Variants in HSF4 observed in about 807,000 individuals in gnomAD.
HSF4 encodes heat shock transcription factor 4, also known as heat shock factor protein 4.
In HSF4, 41 loss-of-function variants were observed where a neutral mutation model predicts 52.0. The ratio of observed to expected loss-of-function variants is 0.79; its 90% CI spans 0.61 to 1.02. The LOEUF (loss-of-function observed/expected upper bound fraction) is 1.02, where lower values mean the gene tolerates loss of function less well. Ranked by LOEUF, HSF4 falls within the 50% of genes least tolerant of loss-of-function variation. The pLI is 0.00. For missense variants in HSF4, 610 were observed against 651.1 expected, an observed-to-expected ratio of 0.94 and a Z score of 0.69; for synonymous variants, 285 against 273.0, an observed-to-expected ratio of 1.04 and a Z score of -0.43.
upstream of HSF4, chr16:67,163,927 GC>G (rs1202512039): frequency 6.1e-6 from 9 of 1,478,298 alleles, no homozygotes; most frequent in Non-Finnish European, 7.3e-6. Flanking sequence ...TGGGATTGTT[GC>G]CCCCCGGGTC....
chr16:67,164,661 G>GCCCCGCCCCGCGGGCTTGCACGTGGC, upstream of HSF4: 2 of 828,600 alleles, frequency 2.4e-6, no homozygotes, highest in Non-Finnish European at 1.8e-6. Context: ...CGCTGTCCGA[G>GCCCCGCCCCGCGGGCTTGCACGTGGC]CCCCGCCCCG....
chr16:67,169,755 C>T lies in HSF4; in HGVS notation c.1449C>T (p.Tyr483=). The change falls in exon 13 of 13, where the codon TAC becomes TAT. Residue 483 remains tyrosine, a synonymous_variant. Transcript: ENST00000521374. This position sits in a 1 kb window ranked among gnomAD's most constrained non-coding sequence, Gnocchi z 4.3. ...CTCCTGAGAGCCGGACTGCCTCCTACTTGGGCCCGGAAGCCAGTCCCTCCC... is the reference window on the plus strand; with the variant it reads ...CTCCTGAGAGCCGGACTGCCTCCTATTTGGGCCCGGAAGCCAGTCCCTCCC... ...YSTPESRTAS[Y]LGPEASPSP 1.2e-6 allele frequency: 2 copies of T among 1,613,084 alleles called. No homozygotes were observed. Among genetic ancestry groups the T allele is most frequent in the Non-Finnish European group, 8.5e-7 (1 of 1,180,000 alleles).
Position 67,169,086 on chromosome 16 carries a change from C to G in HSF4, c.1239C>G (p.Asp413Glu), listed in dbSNP as rs765147322. ...GAGAATGGACCCTGATGGACTTGGA[C>G]ATGGAGCTGTCCTTGGTAAGAAGTG... ...QGREWTLMDL[D>E]MELSLMQPLV... Residue 413 changes from aspartate (D) to glutamate (E), a missense_variant, in exon 11 of 13, where the codon GAC becomes GAG. By Grantham distance (45) the Asp-to-Glu change is conservative. Coordinates refer to ENST00000521374, the MANE Select transcript of HSF4 (RefSeq NM_001374675.1). The surrounding 1 kb of genome is among the most constrained non-coding windows in gnomAD (Gnocchi z 4.3). 2 of 1,613,226 alleles carry G rather than the reference C, an allele frequency of 1.2e-6. No homozygotes were observed. The highest frequency in any genetic ancestry group is 2.2e-5 in the South Asian group (2 of 91,078).
chr16:67,164,958 C>CAAA, intron 1 of HSF4, 24 bp downstream of exon 1: 1 of 1,582,538 alleles, frequency 6.3e-7, no homozygotes, highest in Middle Eastern at 1.7e-4. Context: ...CCCCTCGATT[C>CAAA]CCCCTGTGGT....
At chr16:67,164,079 G>A (rs937624219), upstream of HSF4, 69 of 696,474 alleles carry the variant, frequency 9.9e-5, no homozygotes, top group Non-Finnish European at 1.7e-4. Context: ...CCCCTCTGCG[G>A]ACTCTGCAGC....
Position 67,165,898 on chromosome 16 carries a change from C to T in HSF4, c.361-48C>T, listed in dbSNP as rs1410355254. On this transcript the variant is annotated intron_variant, in intron 3 of 12. Coordinates refer to ENST00000521374, the MANE Select transcript of HSF4 (RefSeq NM_001374675.1). This position sits in a 1 kb window ranked among gnomAD's most constrained non-coding sequence, Gnocchi z 6.9. ...AAGAGGAGGAGGGGTGCTGGGACTG[C>T]CTGCCTTGCTCCTGCGACCCAGTCC... 2.5e-6 allele frequency: 4 copies of T among 1,594,372 alleles called. No homozygotes were observed. Among genetic ancestry groups the T allele is most frequent in the African/African-American group, 1.3e-5 (1 of 74,822 alleles).
chr16:67,166,400 T>A lies in HSF4; in HGVS notation c.561+5T>A, dbSNP rs772816388. The A allele has an allele frequency of 6.2e-7, 1 of 1,608,256 alleles. No individual in the cohort carries two copies. The highest frequency in any genetic ancestry group is 2.2e-5 in the East Asian group (1 of 44,556). On this transcript the variant is annotated splice_donor_5th_base_variant and intron_variant, in intron 5 of 12. Transcript: ENST00000521374. ...CAGCACCGGGTCATTGGCAAGGTGTTCCTCTCCCCAAGCCTCGCTTCTCCC... is the reference window on the plus strand; with the variant it reads ...CAGCACCGGGTCATTGGCAAGGTGTACCTCTCCCCAAGCCTCGCTTCTCCC...
chr16:67,167,230 T>G lies in HSF4; in HGVS notation c.729+8T>G. On this transcript the variant is annotated splice_region_variant and intron_variant, in intron 7 of 12. Coordinates refer to ENST00000521374, the MANE Select transcript of HSF4 (RefSeq NM_001374675.1). The stretch of plus-strand genomic sequence containing the variant: ...CCCTACTTCATCCAGTCGGTAGGTT[T>G]GTCTTCTTCCCCCTTCCCAAGGGCA... 6.2e-7 allele frequency: 1 copy of G among 1,614,152 alleles called. No homozygotes were observed. The highest frequency in any genetic ancestry group is 8.5e-7 in the Non-Finnish European group (1 of 1,180,020).
chr16:67,165,958 C>T lies in HSF4; in HGVS notation c.373C>T (p.Arg125Cys). The change falls in exon 4 of 13, where the codon CGC (arginine) becomes TGC (cysteine). Residue 125 changes from arginine to cysteine, a missense_variant. By Grantham distance (180) the Arg-to-Cys change is radical. Coordinates refer to ENST00000521374, the MANE Select transcript of HSF4 (RefSeq NM_001374675.1). This position sits in a 1 kb window ranked among gnomAD's most constrained non-coding sequence, Gnocchi z 6.9. ...ERVRRKVPAL[R>C]GDDGRWRPED... ...CTCCCGCCTGCAGGTGCCCGCGCTG[C>T]GCGGCGACGACGGCCGCTGGCGCCC... The T allele has an allele frequency of 6.4e-7, 1 of 1,569,030 alleles. No homozygotes were observed. Among genetic ancestry groups the T allele is most frequent in the Non-Finnish European group, 8.6e-7 (1 of 1,166,228 alleles).
At chr16:67,166,200 C>T in intron 4 of HSF4, 120 bp from the exon 5 acceptor site, 2 of 1,366,714 alleles carry the variant, frequency 1.5e-6, no homozygotes. Context: ...GACTTATGGG[C>T]GATCTCTGGG....
Position 67,165,672 on chromosome 16 carries a change from C to G in HSF4, c.232+42C>G, listed in dbSNP as rs1198877101. The G allele has an allele frequency of 4.3e-6, 7 of 1,612,166 alleles. No individual in the cohort carries two copies. Among genetic ancestry groups the G allele is most frequent in the Non-Finnish European group, 5.1e-6 (6 of 1,179,772 alleles). Reference sequence around the variant, plus strand: ...GGGCGGGGAGCGGGGATGGGGGACTCGGTGCCGGGGATGGGGCGACCCACG... The same window carrying G: ...GGGCGGGGAGCGGGGATGGGGGACTGGGTGCCGGGGATGGGGCGACCCACG... On this transcript the variant is annotated intron_variant, in intron 2 of 12. Coordinates refer to ENST00000521374, the MANE Select transcript of HSF4 (RefSeq NM_001374675.1). This position sits in a 1 kb window ranked among gnomAD's most constrained non-coding sequence, Gnocchi z 6.9.
chr16:67,166,095 G>A (rs1413606406), intron 4 of HSF4, 25 bp downstream of exon 4: 3 of 1,500,114 alleles, frequency 2.0e-6, no homozygotes, highest in Non-Finnish European at 2.7e-6. Flanking sequence ...GGGGAAAGAG[G>A]GGACAGGGGT....
intron 9 of HSF4, 116 bp from the exon 10 acceptor site, chr16:67,168,715 G>A (rs1318157610): frequency 1.2e-6 from 1 of 801,314 alleles, no homozygotes; most frequent in Non-Finnish European, 2.1e-6. Context: ...AGAGGATGGG[G>A]ATCCTCTCCT....
In HSF4 at chr16:67,165,341, CAGGCT is replaced by C; in HGVS notation, c.124-176_124-172del. ...GGGTAGGGACTCACTGTGGTCGCTC[CAGGCT>C]AGGCCTCGGAGCCCGTTCTGGCCTG... is the stretch of plus-strand genomic sequence containing the variant. On this transcript the variant is annotated intron_variant, in intron 1 of 12. Transcript: ENST00000521374. The surrounding 1 kb of genome is among the most constrained non-coding windows in gnomAD (Gnocchi z 6.9). 1 of 641,146 alleles carries C rather than the reference CAGGCT, an allele frequency of 1.6e-6. No individual in the cohort carries two copies. Among genetic ancestry groups the C allele is most frequent in the South Asian group, 1.8e-5 (1 of 55,636 alleles). The allele number at this position is 641,146 out of a possible 1,614,324, so 39.7% of individuals were successfully genotyped here.
At position 67,165,436 on chromosome 16, in the gene HSF4, C is replaced by A; in HGVS notation, c.124-86C>A. On this transcript the variant is annotated intron_variant, in intron 1 of 12. Coordinates refer to ENST00000521374, the MANE Select transcript of HSF4 (RefSeq NM_001374675.1). This position sits in a 1 kb window ranked among gnomAD's most constrained non-coding sequence, Gnocchi z 6.9. ...AAGAGTGAGCATGAGTGTGTGCGCG[C>A]GCTGGAGCGCAGGACTGGCCGTGAG... 2.4e-6 allele frequency: 3 copies of A among 1,225,698 alleles called. No individual in the cohort carries two copies. The highest frequency in any genetic ancestry group is 3.6e-6 in the Non-Finnish European group (3 of 830,330). 75.9% of individuals were successfully genotyped at this position (1,225,698 alleles called of 1,614,324 possible).
Position 67,167,227 on chromosome 16 carries a change from G to A in HSF4, c.729+5G>A. On this transcript the variant is annotated splice_donor_5th_base_variant and intron_variant, in intron 7 of 12. Transcript: ENST00000521374. Reference sequence around the variant, plus strand: ...GACCCCTACTTCATCCAGTCGGTAGGTTTGTCTTCTTCCCCCTTCCCAAGG... The same window carrying A: ...GACCCCTACTTCATCCAGTCGGTAGATTTGTCTTCTTCCCCCTTCCCAAGG... 1.9e-6 allele frequency: 3 copies of A among 1,614,126 alleles called. No individual in the cohort carries two copies. Among genetic ancestry groups the A allele is most frequent in the Non-Finnish European group, 2.5e-6 (3 of 1,180,014 alleles).
intron 4 of HSF4, 71 bp downstream of exon 4, chr16:67,166,141 G>A: frequency 6.8e-7 from 1 of 1,464,168 alleles, no homozygotes; most frequent in Admixed American, 2.0e-5. Context: ...TGGCCGGCCA[G>A]CAGTTCTGGG....
At position 67,165,966 on chromosome 16, in the gene HSF4, C is replaced by A; in HGVS notation, c.381C>A (p.Asp127Glu). 6.4e-7 allele frequency: 1 copy of A among 1,563,378 alleles called. No individual in the cohort carries two copies. The highest frequency in any genetic ancestry group is 1.1e-5 in the South Asian group (1 of 87,246). ...VRRKVPALRGDDGRWRPEDLG... is the reference protein window; with the variant it reads ...VRRKVPALRGEDGRWRPEDLG... The stretch of plus-strand genomic sequence containing the variant: ...TGCAGGTGCCCGCGCTGCGCGGCGA[C>A]GACGGCCGCTGGCGCCCGGAGGACC... Residue 127 changes from aspartate (D) to glutamate (E), a missense_variant, in exon 4 of 13, where the codon GAC becomes GAA. By Grantham distance (45) the Asp-to-Glu change is conservative. Transcript: ENST00000521374. The surrounding 1 kb of genome is among the most constrained non-coding windows in gnomAD (Gnocchi z 6.9).
chr16:67,164,700 C>T (rs1230813484), upstream of HSF4: 5 of 1,333,944 alleles, frequency 3.7e-6, no homozygotes, highest in Non-Finnish European at 4.9e-6. Flanking sequence ...CCGCCTGACC[C>T]GGCGCCCCGG....
Sources: allele counts gnomAD v4.1 joint callset, GRCh38; gene constraint gnomAD v4.1.1; non-coding constraint Gnocchi (gnomAD v3.1); transcripts MANE v1.5; gene names NCBI Gene and HGNC (gene_info 2026-07-23, HGNC 2026-07-21).